Variants in PTPRG observed in about 807,000 individuals in gnomAD.
PTPRG encodes receptor-type tyrosine-protein phosphatase gamma.
A neutral mutation model predicts 165.3 loss-of-function variants in PTPRG; 102 were observed. That is an observed-to-expected ratio of 0.62 (90% CI 0.53 to 0.73). The LOEUF (loss-of-function observed/expected upper bound fraction) is 0.73, where lower values mean the gene tolerates loss of function less well. Among genes scored for constraint, PTPRG ranks in the 30% least tolerant of loss-of-function variants. The probability of loss-of-function intolerance (pLI) is 0.00; values close to 1 mark genes in which losing one functional copy is unlikely to be tolerated. For missense variants in PTPRG, 1,866 were observed against 1,861.4 expected, an observed-to-expected ratio of 1.00 and a Z score of -0.05; for synonymous variants, 675 against 669.5, an observed-to-expected ratio of 1.01 and a Z score of -0.13.
At chr3:61,726,948 G>A (rs1157214840) in intron 1 of PTPRG, among the ~76,000 whole-genome samples, 1 of 151,848 alleles carries the variant, frequency 6.6e-6, no homozygotes, top group African/African-American at 2.4e-5. Context: ...TCGGGAGACT[G>A]AGACAGGAGA....
chr3:61,740,580 T>C (rs1220865085), intron 1 of PTPRG, among the ~76,000 whole-genome samples: 3 of 152,150 alleles, frequency 2.0e-5, no homozygotes, highest in Non-Finnish European at 4.4e-5. Flanking sequence ...ACTGACACTA[T>C]TTAAGAGTAA....
chr3:61,864,713 G>A (rs79603520), intron 2 of PTPRG, among the ~76,000 whole-genome samples: 150 of 152,236 alleles, frequency 9.9e-4, no homozygotes, highest in African/African-American at 3.4e-3. Context: ...TAACACAGGC[G>A]TTTTAAGGTT....
At chr3:61,886,280 G>C (rs1559669480) in intron 2 of PTPRG, among the ~76,000 whole-genome samples, 1 of 152,178 alleles carries the variant, frequency 6.6e-6, no homozygotes, top group African/African-American at 2.4e-5. Context: ...AGGAGATGGA[G>C]GTTAAAACTG....
intron 4 of PTPRG, 28 bp from the exon 5 acceptor site, chr3:62,078,135 T>G (rs753431779): frequency 7.6e-6 from 11 of 1,454,144 alleles, no homozygotes; most frequent in Middle Eastern, 1.7e-4. Context: ...AAAATTTTCC[T>G]AATACATTTT....
chr3:61,702,118 A>G (rs1400862326), intron 1 of PTPRG, among the ~76,000 whole-genome samples: 2 of 152,126 alleles, frequency 1.3e-5, no homozygotes, highest in Non-Finnish European at 2.9e-5. Context: ...AGCTAGGAGT[A>G]TAGGCGAGCA....
At chr3:61,699,536 A>G (rs1029759926) in intron 1 of PTPRG, among the ~76,000 whole-genome samples, 1 of 152,194 alleles carries the variant, frequency 6.6e-6, no homozygotes, top group Non-Finnish European at 1.5e-5. Context: ...GCTTTTACCT[A>G]TTATTGAGAG....
intron 6 of PTPRG, among the ~76,000 whole-genome samples, chr3:62,153,470 G>T (rs1319167271): frequency 1.3e-5 from 2 of 152,108 alleles, no homozygotes; most frequent in Non-Finnish European, 2.9e-5. Flanking sequence ...TGGAGCTTTG[G>T]CAAAGAAAGC....
intron 2 of PTPRG, among the ~76,000 whole-genome samples, chr3:61,938,716 G>A (rs987568130): frequency 5.9e-5 from 9 of 152,090 alleles, no homozygotes; most frequent in Non-Finnish European, 8.8e-5. Context: ...TAATGCTTAC[G>A]CTACGTTATA....
At position 61,836,073 on chromosome 3, in the gene PTPRG, AT is replaced by A. The variant is rs111739778; in HGVS notation, c.190+87092del. ...GCGCCCCCCCCCACCAAAAAAAAAAATATATATATATATACACACACACACA... is the reference window on the plus strand; with the variant it reads ...GCGCCCCCCCCCACCAAAAAAAAAAAATATATATATATACACACACACACA... On this transcript the variant is annotated intron_variant, in intron 2 of 29. Transcript: ENST00000474889. Among the ~76,000 whole-genome samples the A allele has an allele frequency of 9.9e-3, 862 of 86,658 alleles. 16 individuals carry two copies. Among genetic ancestry groups the A allele is most frequent in the African/African-American group, 0.029 (760 of 26,528 alleles). The allele number at this position is 86,658 out of a possible 152,430, so 56.9% of individuals were successfully genotyped here.
intron 28 of PTPRG, among the ~76,000 whole-genome samples, chr3:62,288,761 C>T (rs1702766871): frequency 6.6e-6 from 1 of 151,396 alleles, no homozygotes; most frequent in Admixed American, 6.6e-5. Flanking sequence ...GAGTTTGATA[C>T]TAAATTATGA....
At chr3:61,989,904 C>A in intron 3 of PTPRG, 100 bp downstream of exon 3, 2 of 1,330,408 alleles carry the variant, frequency 1.5e-6, no homozygotes, top group Non-Finnish European at 2.1e-6. Flanking sequence ...AAATAGTGCA[C>A]ATTGCTGTGG....
At chr3:61,666,862 C>G (rs577145402) in intron 1 of PTPRG, among the ~76,000 whole-genome samples, 1 of 152,280 alleles carries the variant, frequency 6.6e-6, no homozygotes, top group South Asian at 2.1e-4. Context: ...TTAAGAAAAG[C>G]TGACAGCTGA....
At chr3:61,777,989 C>T (rs1385692381) in intron 2 of PTPRG, among the ~76,000 whole-genome samples, 3 of 152,142 alleles carry the variant, frequency 2.0e-5, no homozygotes, top group South Asian at 2.1e-4. Context: ...TAGTACAATA[C>T]GTGCCATTCA....
rs377210111 is a variant in PTPRG at position 61,615,689 on chromosome 3, A to G, written c.85+53317A>G. 3.9e-5 allele frequency among the ~76,000 whole-genome samples: 6 copies of G among 152,100 alleles called. No homozygotes were observed. The East Asian group carries it at 5.8e-4, about 15-fold the overall frequency. On this transcript the variant is annotated intron_variant, in intron 1 of 29. Coordinates refer to ENST00000474889, the MANE Select transcript of PTPRG (RefSeq NM_002841.4). The stretch of plus-strand genomic sequence containing the variant: ...TCATCAGTTTGGATGATGGATTTTT[A>G]TTTTATTTGGGTTATAGTCTGTTAC...
chr3:61,820,182 G>C (rs1180093072), intron 2 of PTPRG, among the ~76,000 whole-genome samples: 3 of 152,138 alleles, frequency 2.0e-5, no homozygotes, highest in Non-Finnish European at 4.4e-5. Context: ...TGTGACTGTG[G>C]AGGCTGAGAA....
chr3:62,201,569 G>C lies in PTPRG; in HGVS notation c.1377+15G>C, dbSNP rs776786313. ...AAACAGGAGTGGTAAGTAGAGAATG[G>C]GAAATTGCTTTGTCGTGGCTGGTTG... On this transcript the variant is annotated intron_variant, in intron 11 of 29. Coordinates refer to ENST00000474889, the MANE Select transcript of PTPRG (RefSeq NM_002841.4). The C allele has an allele frequency of 6.2e-7, 1 of 1,607,902 alleles. No homozygotes were observed. Among genetic ancestry groups the C allele is most frequent in the Admixed American group, 1.7e-5 (1 of 59,502 alleles).
chr3:61,680,505 A>G (rs1181231565), intron 1 of PTPRG, among the ~76,000 whole-genome samples: 1 of 145,006 alleles, frequency 6.9e-6, no homozygotes, highest in Non-Finnish European at 1.5e-5. Context: ...CTTTATGAAA[A>G]AAAAAAAAAA....
intron 2 of PTPRG, among the ~76,000 whole-genome samples, chr3:61,868,099 A>G (rs945720830): frequency 2.6e-5 from 4 of 152,178 alleles, no homozygotes; most frequent in East Asian, 1.9e-4. Context: ...TCCCTTAAAC[A>G]CATGAAGAAG....
chr3:61,618,975 CAAAAAAA>C lies in PTPRG; in HGVS notation c.85+56621_85+56627del, dbSNP rs57427703. The stretch of plus-strand genomic sequence containing the variant: ...TGGGCAGCATAGTGAGATCCTGTCT[CAAAAAAA>C]AAAAAAAAAAAAAAAAAGTTAAAAA... On this transcript the variant is annotated intron_variant, in intron 1 of 29. Coordinates refer to ENST00000474889, the MANE Select transcript of PTPRG (RefSeq NM_002841.4). Among the ~76,000 whole-genome samples the C allele has an allele frequency of 4.1e-4, 30 of 72,942 alleles. 1 individual carries two copies. The highest frequency in any genetic ancestry group is 6.9e-4 in the Admixed American group (4 of 5,796). The allele number at this position is 72,942 out of a possible 152,430, so 47.9% of individuals were successfully genotyped here. A position where few individuals can be genotyped will look rare whatever the true frequency, so the allele number is the denominator to read the frequency against.
Sources: gnomAD v4.1 joint callset for allele counts (sites outside exome capture counted in the v4.1 genomes callset) on GRCh38, gnomAD v4.1.1 for gene constraint, MANE v1.5 for transcripts, NCBI Gene and HGNC (gene_info 2026-07-23, HGNC 2026-07-21) for gene names.